The following SGPL1 variants were observed in gnomAD, a reference collection of about 807,000 sequenced individuals.
The protein encoded by SGPL1 is SP-lyase 1.
SGPL1 carries 37 observed loss-of-function variants against 68.9 expected under a neutral mutation model. That is an observed-to-expected ratio of 0.54 (90% CI 0.41 to 0.71). The LOEUF (loss-of-function observed/expected upper bound fraction) is 0.71. SGPL1 is among the 30% of genes least tolerant of loss of function. The pLI, the probability that SGPL1 is intolerant of heterozygous loss-of-function variation, is 0.00. For missense variants in SGPL1, 551 were observed against 704.6 expected (o/e 0.78, Z 2.47); for synonymous variants, 236 against 248.5 (o/e 0.95, Z 0.47).
At chr10:70,832,640 G>A (rs773353201) in intron 2 of SGPL1, among the ~76,000 whole-genome samples, 14 of 152,176 alleles carry the variant, frequency 9.2e-5, no homozygotes, top group Admixed American at 4.6e-4. Flanking sequence ...TTTAGAGAAT[G>A]ATGAAACTCA....
In SGPL1 at chr10:70,879,398, TG is replaced by T; in HGVS notation, c.*2064del. The T allele has an allele frequency of 6.5e-6, 1 of 153,628 alleles. No homozygotes were observed. Among genetic ancestry groups the T allele is most frequent in the Non-Finnish European group, 1.4e-5 (1 of 69,196 alleles). The allele number at this position is 153,628 out of a possible 1,614,324, so 9.5% of individuals were successfully genotyped here. ...GCATTTATGTGTGTGTGTGTGTGTG[TG>T]TGTGTTTTTCCTGTTTGCCCAGCAG... On this transcript the variant is annotated 3_prime_UTR_variant, in exon 15 of 15. Transcript: ENST00000373202.
At chr10:70,858,529 T>C (rs761004978) in intron 6 of SGPL1, among the ~76,000 whole-genome samples, 39 of 152,230 alleles carry the variant, frequency 2.6e-4, no homozygotes, top group Admixed American at 2.2e-3. Flanking sequence ...ATTATAAATA[T>C]GAAACTGTCC....
At chr10:70,867,561 C>CA (rs1257961058) in intron 7 of SGPL1, among the ~76,000 whole-genome samples, 14,438 of 101,562 alleles carry the variant, frequency 0.14, 1,113 homozygotes, top group African/African-American at 0.27. Flanking sequence ...GACTCTGTCT[C>CA]AAAAAAAAAA....
chr10:70,835,087 A>G (rs1036128220), intron 2 of SGPL1, among the ~76,000 whole-genome samples: 24 of 152,188 alleles, frequency 1.6e-4, no homozygotes, highest in African/African-American at 5.8e-4. Flanking sequence ...GAGATGTGGG[A>G]GAGAGGAGGC....
Position 70,857,599 on chromosome 10 carries a change from T to G in SGPL1, c.410-15T>G, listed in dbSNP as rs1845986224. The G allele has an allele frequency of 1.2e-6, 2 of 1,608,918 alleles. No individual in the cohort carries two copies. Among genetic ancestry groups the G allele is most frequent in the African/African-American group, 1.3e-5 (1 of 74,828 alleles). ...ATTCTTGCTTACTGACCAGTGACCT[T>G]ACCTTTCTCTGCAGACGCCTTCTGG... On this transcript the variant is annotated splice_polypyrimidine_tract_variant and intron_variant, in intron 5 of 14. Coordinates refer to ENST00000373202, the MANE Select transcript of SGPL1 (RefSeq NM_003901.4).
chr10:70,851,169 T>C lies in SGPL1; in HGVS notation c.220T>C (p.Cys74Arg), dbSNP rs372818104. ...TTTATGGTCAAGGTTTAAAAAGAAA[T>C]GTTTTAAGCTCACCAGGAAGATGCC... ...ESLWSRFKKKCFKLTRKMPII... is the reference protein window; with the variant it reads ...ESLWSRFKKKRFKLTRKMPII... Residue 74 changes from cysteine (C) to arginine (R), a missense_variant, in exon 4 of 15, where the codon TGT becomes CGT. By Grantham distance (180) the Cys-to-Arg change is radical. Coordinates refer to ENST00000373202, the MANE Select transcript of SGPL1 (RefSeq NM_003901.4). 18 of 1,613,894 alleles carry C rather than the reference T, an allele frequency of 1.1e-5. No homozygotes were observed. Among genetic ancestry groups the C allele is most frequent in the Non-Finnish European group, 1.5e-5 (18 of 1,179,804 alleles).
chr10:70,871,791 G>T (rs768996012), intron 10 of SGPL1, 46 bp from the exon 11 acceptor site: 1 of 1,586,470 alleles, frequency 6.3e-7, no homozygotes, highest in East Asian at 2.2e-5. Flanking sequence ...TTTTATTATA[G>T]GGCTATAAAG....
intron 3 of SGPL1, among the ~76,000 whole-genome samples, chr10:70,847,779 T>C (rs1845814898): frequency 6.6e-6 from 1 of 152,070 alleles, no homozygotes; most frequent in African/African-American, 2.4e-5. Flanking sequence ...AGAATATTCA[T>C]TTTTTTTAGC....
intron 12 of SGPL1, among the ~76,000 whole-genome samples, chr10:70,874,255 G>A (rs978735856): frequency 4.6e-5 from 7 of 152,162 alleles, no homozygotes; most frequent in Non-Finnish European, 4.4e-5. Context: ...TATTGAGGGG[G>A]AAGGAAAGCT....
intron 2 of SGPL1, among the ~76,000 whole-genome samples, chr10:70,838,394 A>G (rs532653194): frequency 2.4e-4 from 36 of 152,266 alleles, no homozygotes; most frequent in African/African-American, 8.7e-4. Flanking sequence ...TTGCTTATGG[A>G]ATCTTTTGCT....
At chr10:70,869,712 G>T in intron 8 of SGPL1, 80 bp from the exon 9 acceptor site, 1 of 1,021,548 alleles carries the variant, frequency 9.8e-7, no homozygotes, top group Non-Finnish European at 1.5e-6. Flanking sequence ...ACTTACTCCC[G>T]GTAATTTAGA....
At chr10:70,820,527 C>T (rs1845319522) in intron 2 of SGPL1, 1 of 152,112 alleles carries the variant, frequency 6.6e-6, no homozygotes, top group Non-Finnish European at 1.5e-5. Context: ...GTAATTCCAG[C>T]ACTTTGGGAG....
chr10:70,848,422 G>A (rs1387636491), intron 3 of SGPL1, among the ~76,000 whole-genome samples: 4 of 147,894 alleles, frequency 2.7e-5, no homozygotes, highest in Non-Finnish European at 3.0e-5. Flanking sequence ...TTGTGGAATG[G>A]CTCAATCAAA....
intron 13 of SGPL1, among the ~76,000 whole-genome samples, chr10:70,875,750 T>G (rs1473035661): frequency 1.3e-5 from 2 of 152,202 alleles, no homozygotes; most frequent in African/African-American, 4.8e-5. Flanking sequence ...TCTGGCAGAA[T>G]TAGGTGACAG....
At position 70,861,368 on chromosome 10, in the gene SGPL1, A is replaced by G. The variant is rs576853510; in HGVS notation, c.615+1869A>G. 5.9e-5 allele frequency among the ~76,000 whole-genome samples: 9 copies of G among 152,360 alleles called. No homozygotes were observed. The East Asian group carries it at 7.7e-4, about 13-fold the overall frequency. On this transcript the variant is annotated intron_variant, in intron 7 of 14. Transcript: ENST00000373202. Reference sequence around the variant, plus strand: ...CTACAAAGGCATAACTGTTAGGACAACTGATACTCAATAGCAACGATGGCT... The same window carrying G: ...CTACAAAGGCATAACTGTTAGGACAGCTGATACTCAATAGCAACGATGGCT...
intron 8 of SGPL1, 77 bp from the exon 9 acceptor site, chr10:70,869,715 A>T (rs1216983389): frequency 3.9e-6 from 4 of 1,015,470 alleles, no homozygotes; most frequent in Non-Finnish European, 5.9e-6. Flanking sequence ...TACTCCCGGT[A>T]ATTTAGATTA....
rs35734922 is a variant in SGPL1 at position 70,819,627 on chromosome 10, C to CTTT, written c.27+2766_27+2768dup. Among the ~76,000 whole-genome samples, 912 of 120,862 alleles carry CTTT rather than the reference C, an allele frequency of 7.5e-3. 28 individuals carry two copies. The highest frequency in any genetic ancestry group is 0.026 in the African/African-American group (805 of 30,922). The allele number at this position is 120,862 out of a possible 152,430, so 79.3% of individuals were successfully genotyped here. ...TAGTCTTAGAAGTCATGGGATGCAG[C>CTTT]TTTTTTTTTTTTTTTTTTTTTGAGA... On this transcript the variant is annotated intron_variant, in intron 2 of 14. Coordinates refer to ENST00000373202, the MANE Select transcript of SGPL1 (RefSeq NM_003901.4).
At position 70,877,469 on chromosome 10, in the gene SGPL1, G is replaced by A; in HGVS notation, c.*134G>A. 2.7e-6 allele frequency: 2 copies of A among 735,806 alleles called. No homozygotes were observed. The highest frequency in any genetic ancestry group is 2.6e-5 in the South Asian group (1 of 37,902). The allele number at this position is 735,806 out of a possible 1,614,324, so 45.6% of individuals were successfully genotyped here. A position where few individuals can be genotyped will look rare whatever the true frequency, so the allele number is the denominator to read the frequency against. On this transcript the variant is annotated 3_prime_UTR_variant, in exon 15 of 15. Coordinates refer to ENST00000373202, the MANE Select transcript of SGPL1 (RefSeq NM_003901.4). Reference sequence around the variant, plus strand: ...CTCAAGATAGACCATGAGACAGCTTGAGCCTCAGGATTCTTGTTCTTCCTC... The same window carrying A: ...CTCAAGATAGACCATGAGACAGCTTAAGCCTCAGGATTCTTGTTCTTCCTC...
At chr10:70,871,248 TTG>T (rs1466738894) in intron 10 of SGPL1, 102 bp downstream of exon 10, 1 of 714,286 alleles carries the variant, frequency 1.4e-6, no homozygotes, top group African/African-American at 1.8e-5. Flanking sequence ...TTTTTTGTTT[TTG>T]ACCACAGTAG....
Sources: gnomAD v4.1 joint callset for allele counts (sites outside exome capture counted in the v4.1 genomes callset) on GRCh38, gnomAD v4.1.1 for gene constraint, MANE v1.5 for transcripts, NCBI Gene and HGNC (gene_info 2026-07-23, HGNC 2026-07-21) for gene names.